The following INKA2 variants were observed in gnomAD, a reference collection of about 807,000 sequenced individuals.
The protein encoded by INKA2 is inka box actin regulator 2.
A neutral mutation model predicts 9.8 loss-of-function variants in INKA2; 3 were observed. That is an observed-to-expected ratio of 0.31 (90% confidence interval 0.14 to 0.79). The LOEUF (loss-of-function observed/expected upper bound fraction) is 0.79. Ranked by LOEUF, INKA2 falls within the 30% of genes least tolerant of loss-of-function variation. The probability of loss-of-function intolerance (pLI) is 0.62; values close to 1 mark genes in which losing one functional copy is unlikely to be tolerated. For synonymous variants in INKA2, 147 were observed against 143.3 expected, an observed-to-expected ratio of 1.03 and a Z score of -0.18; for missense variants, 392 against 384.4, an observed-to-expected ratio of 1.02 and a Z score of -0.17.
chr1:111,753,459 AT>A (rs1328935017), intron 1 of INKA2, among the ~76,000 whole-genome samples: 3 of 152,218 alleles, frequency 2.0e-5, no homozygotes, highest in Non-Finnish European at 4.4e-5. Flanking sequence ...GAGAAAAAAA[AT>A]TTGTGTTATT....
chr1:111,739,048 C>G, intron 1 of INKA2, 138 bp downstream of exon 1: 1 of 763,090 alleles, frequency 1.3e-6, no homozygotes. Context: ...CCTCTGCCTG[C>G]GGGCCCGCGT....
intron 1 of INKA2, among the ~76,000 whole-genome samples, chr1:111,735,710 G>T (rs754573902): frequency 6.6e-6 from 1 of 152,142 alleles, no homozygotes. Context: ...AGATCTGAAG[G>T]CTGTTCCTAC....
At chr1:111,734,848 CCT>C (rs1447722834) in intron 1 of INKA2, among the ~76,000 whole-genome samples, 1 of 152,180 alleles carries the variant, frequency 6.6e-6, no homozygotes, top group Non-Finnish European at 1.5e-5. Flanking sequence ...AGTTTACTTC[CCT>C]CTCTCAGAGC....
At position 111,726,680 on chromosome 1, in the gene INKA2, G is replaced by A. The variant is rs1278804138; in HGVS notation, c.*288C>T. 6 of 407,586 alleles carry A rather than the reference G, an allele frequency of 1.5e-5. No homozygotes were observed. The highest frequency in any genetic ancestry group is 2.7e-5 in the Non-Finnish European group (6 of 226,118). 25.2% of individuals were successfully genotyped at this position (407,586 alleles called of 1,614,324 possible). A position where few individuals can be genotyped will look rare whatever the true frequency, so the allele number is the denominator to read the frequency against. ...CTACTGTCACCTCCAGCCCCAAAGTGAGTGCATGCATGCCAGACAGACACA... is the reference window on the plus strand; with the variant it reads ...CTACTGTCACCTCCAGCCCCAAAGTAAGTGCATGCATGCCAGACAGACACA... On this transcript the variant is annotated 3_prime_UTR_variant, in exon 2 of 2. Transcript: ENST00000357260.
At chr1:111,736,074 G>A (rs549237536) in intron 1 of INKA2, among the ~76,000 whole-genome samples, 53 of 152,346 alleles carry the variant, frequency 3.5e-4, no homozygotes, top group African/African-American at 9.9e-4. Context: ...GGAGCTGTGC[G>A]TACGGAACAG....
chr1:111,724,816 C>T lies in INKA2; in HGVS notation c.*2152G>A, dbSNP rs1164495631. 1 of 152,180 alleles carries T rather than the reference C, an allele frequency of 6.6e-6. No homozygotes were observed. The highest frequency in any genetic ancestry group is 1.5e-5 in the Non-Finnish European group (1 of 68,064). 9.4% of individuals were successfully genotyped at this position (152,180 alleles called of 1,614,324 possible). ...GACAGGGGTTTTGGAGCCAGATAAC[C>T]CAACCCTCTGTTCAAATCTCTGTCC... On this transcript the variant is annotated 3_prime_UTR_variant, in exon 2 of 2. Coordinates refer to ENST00000357260, the MANE Select transcript of INKA2 (RefSeq NM_019099.5).
Position 111,751,280 on chromosome 1 carries a change from C to T in INKA2, n.124+4421G>A, listed in dbSNP as rs369303263. On this transcript the variant is annotated intron_variant and non_coding_transcript_variant, in intron 1 of 1. Coordinates refer to the INKA2 transcript ENST00000444059. ...GGACATAGAGAAGAAAGCTATTGCT[C>T]TTTGAATACCAAAAGCTGTTTTCCT... 2.6e-5 allele frequency among the ~76,000 whole-genome samples: 4 copies of T among 152,344 alleles called. No individual in the cohort carries two copies. In the East Asian group the frequency reaches 7.7e-4, roughly 29 times the overall value.
Position 111,727,787 on chromosome 1 carries a change from C to T in INKA2, c.75G>A (p.Val25=), listed in dbSNP as rs377240601. ...LKQELMSMKE[V]GDGLQDQMNC... ...TCATCTGATCCTGTAAGCCATCACC[C>T]ACCTCCTTCATGGACATCTGCAGGG... The change falls in exon 2 of 2, where the codon GTG becomes GTA. Residue 25 remains valine (V), a synonymous_variant. Transcript: ENST00000357260. 14 of 1,606,812 alleles carry T rather than the reference C, an allele frequency of 8.7e-6. No individual in the cohort carries two copies. The African/African-American group carries it at 1.3e-4, about 15-fold the overall frequency.
chr1:111,726,840 C>G lies in INKA2; in HGVS notation c.*128G>C, dbSNP rs1043744553. ...TGAGCCAAGAACTCTGGCTTCTCCCCGCTTTCTGGGGGAAAGGAACTTGGA... is the reference window on the plus strand; with the variant it reads ...TGAGCCAAGAACTCTGGCTTCTCCCGGCTTTCTGGGGGAAAGGAACTTGGA... On this transcript the variant is annotated 3_prime_UTR_variant, in exon 2 of 2. Coordinates refer to ENST00000357260, the MANE Select transcript of INKA2 (RefSeq NM_019099.5). 4 of 995,402 alleles carry G rather than the reference C, an allele frequency of 4.0e-6. No individual in the cohort carries two copies. The highest frequency in any genetic ancestry group is 2.4e-5 in the East Asian group (1 of 41,720). 61.7% of individuals were successfully genotyped at this position (995,402 alleles called of 1,614,324 possible).
At chr1:111,729,401 T>G (rs1488948135) in intron 1 of INKA2, among the ~76,000 whole-genome samples, 1 of 152,226 alleles carries the variant, frequency 6.6e-6, no homozygotes, top group Admixed American at 6.5e-5. Flanking sequence ...AGTGAGATGC[T>G]GGGGGCCAAT....
chr1:111,743,095 T>C (rs1348573252), upstream of INKA2, among the ~76,000 whole-genome samples: 2 of 152,188 alleles, frequency 1.3e-5, no homozygotes, highest in Admixed American at 6.5e-5. Flanking sequence ...TATATAAACA[T>C]GGATAAATAT....
chr1:111,726,975 C>G lies in INKA2; in HGVS notation c.887G>C (p.Trp296Ser). 6.2e-7 allele frequency: 1 copy of G among 1,612,880 alleles called. No individual in the cohort carries two copies. The highest frequency in any genetic ancestry group is 8.5e-7 in the Non-Finnish European group (1 of 1,179,384). ...PSGFDINTAV[W>S]V is the part of the protein sequence containing the mutation. ...ACTTTCTGTCTCTAGGATTCAGACC[C>G]AAACAGCTGTGTTAATATCAAATCC... The change falls in exon 2 of 2, where the codon TGG becomes TCG. Residue 296 changes from tryptophan to serine, a missense_variant. Trp to Ser is a radical substitution (Grantham distance 177, BLOSUM62 -3). Transcript: ENST00000357260.
rs556021909 is a variant in INKA2 at position 111,734,705 on chromosome 1, A to G, written c.57+4481T>C. ...ATCCCCACCACTTCAGCTTCTGTACATTTTGCTCATGTTGTTTCATTATCT... is the reference window on the plus strand; with the variant it reads ...ATCCCCACCACTTCAGCTTCTGTACGTTTTGCTCATGTTGTTTCATTATCT... On this transcript the variant is annotated intron_variant, in intron 1 of 1. Transcript: ENST00000357260. 6.6e-5 allele frequency among the ~76,000 whole-genome samples: 10 copies of G among 152,158 alleles called. No homozygotes were observed. In the South Asian group the frequency reaches 2.1e-3, roughly 32 times the overall value.
In INKA2 at chr1:111,755,614, G is replaced by C. The variant is rs938036379; in HGVS notation, n.124+87C>G. 3.3e-6 allele frequency: 5 copies of C among 1,536,732 alleles called. 1 individual carries two copies. The highest frequency in any genetic ancestry group is 3.9e-5 in the Admixed American group (2 of 51,714). ...GTGGCGCCGGGGGCACGGCTGGGCG[G>C]CTCCGCCCAGAAGAGGGCCGAGAGG... On this transcript the variant is annotated intron_variant and non_coding_transcript_variant, in intron 1 of 1. Transcript: ENST00000444059.
chr1:111,729,431 G>A (rs1001405171), intron 1 of INKA2, among the ~76,000 whole-genome samples: 6 of 152,218 alleles, frequency 3.9e-5, no homozygotes, highest in Non-Finnish European at 7.3e-5. Context: ...CCCTTTGTGG[G>A]TGTCTAAGGC....
At chr1:111,746,718 G>C (rs1663281299) in intron 1 of INKA2, 1 of 152,134 alleles carries the variant, frequency 6.6e-6, no homozygotes. Context: ...CTTGTGTCAG[G>C]TACTCATTTA....
chr1:111,734,575 G>T (rs764935990), intron 1 of INKA2, among the ~76,000 whole-genome samples: 3 of 152,088 alleles, frequency 2.0e-5, no homozygotes, highest in Non-Finnish European at 4.4e-5. Context: ...AGACTCTTTA[G>T]CATGACATCC....
chr1:111,755,612 C>T, intron 1 of INKA2: 10 of 1,520,148 alleles, frequency 6.6e-6, no homozygotes, highest in Non-Finnish European at 8.9e-6. Flanking sequence ...CACGGCTGGG[C>T]GGCTCCGCCC....
rs1317945685 is a variant in INKA2 at position 111,722,458 on chromosome 1, T to C, written c.*4510A>G. The C allele has an allele frequency of 1.3e-5, 2 of 152,414 alleles. No individual in the cohort carries two copies. The highest frequency in any genetic ancestry group is 6.5e-5 in the Admixed American group (1 of 15,288). 9.4% of individuals were successfully genotyped at this position (152,414 alleles called of 1,614,324 possible). A position where few individuals can be genotyped will look rare whatever the true frequency, so the allele number is the denominator to read the frequency against. On this transcript the variant is annotated 3_prime_UTR_variant, in exon 2 of 2. Transcript: ENST00000357260. ...ACCACTAGGACTTGGCACTTTCAACTCTTTACCCCTTGCCAAGAATTTGAG... is the reference window on the plus strand; with the variant it reads ...ACCACTAGGACTTGGCACTTTCAACCCTTTACCCCTTGCCAAGAATTTGAG...
Sources: gnomAD v4.1 joint callset for allele counts (sites outside exome capture counted in the v4.1 genomes callset) on GRCh38, gnomAD v4.1.1 for gene constraint, MANE v1.5 for transcripts, NCBI Gene and HGNC (gene_info 2026-07-23, HGNC 2026-07-21) for gene names.